KIR3DL2: variants seen among roughly 807,000 people sequenced by gnomAD.
KIR3DL2 encodes killer cell immunoglobulin-like receptor 3DL2.
KIR3DL2 carries 42 observed loss-of-function variants against 41.6 expected under a neutral mutation model. The ratio of observed to expected loss-of-function variants is 1.01; its 90% CI spans 0.79 to 1.31. The LOEUF (loss-of-function observed/expected upper bound fraction) is 1.31. KIR3DL2 is among the 50% of genes most tolerant of loss of function. The pLI is 0.00. For synonymous variants in KIR3DL2, 230 were observed against 221.3 expected (o/e 1.04, Z -0.35); for missense variants, 728 against 576.8 (o/e 1.26, Z -2.68).
chr19:54,851,364 C>G lies in KIR3DL2; in HGVS notation c.70+109C>G, dbSNP rs2064218451. The stretch of plus-strand genomic sequence containing the variant: ...TCTCTCATAAACTAGGAAGAGGGGA[C>G]CCTTGGATACTCGGCCCACATTTCT... On this transcript the variant is annotated intron_variant, in intron 2 of 8. Coordinates refer to ENST00000326321, the MANE Select transcript of KIR3DL2 (RefSeq NM_006737.4). The G allele has an allele frequency of 7.1e-5, 86 of 1,207,602 alleles. No individual in the cohort carries two copies. In the South Asian group the frequency reaches 9.8e-4, roughly 14 times the overall value. 74.8% of individuals were successfully genotyped at this position (1,207,602 alleles called of 1,614,324 possible).
At chr19:54,858,651 C>G (rs1183877465) in intron 5 of KIR3DL2, among the ~76,000 whole-genome samples, 1 of 151,352 alleles carries the variant, frequency 6.6e-6, no homozygotes. Flanking sequence ...TTTCTTGAAT[C>G]CAGGAAGTGG....
At position 54,865,206 on chromosome 19, in the gene KIR3DL2, G is replaced by A. The variant is rs542814671; in HGVS notation, c.1001-599G>A. 2.0e-5 allele frequency among the ~76,000 whole-genome samples: 3 copies of A among 152,076 alleles called. No homozygotes were observed. In the East Asian group the frequency reaches 5.8e-4, roughly 29 times the overall value. On this transcript the variant is annotated intron_variant, in intron 6 of 8. Transcript: ENST00000326321. The stretch of plus-strand genomic sequence containing the variant: ...ACCAGCCTTGCATCCCAGAGCCTGG[G>A]CAACTTCTAGAGAAAACAGATTTGT...
intron 6 of KIR3DL2, among the ~76,000 whole-genome samples, chr19:54,859,558 G>A (rs1262780193): frequency 2.6e-5 from 4 of 152,002 alleles, no homozygotes; most frequent in East Asian, 1.9e-4. Context: ...ACTCAGCAGA[G>A]CAAGAGCCTT....
intron 2 of KIR3DL2, among the ~76,000 whole-genome samples, chr19:54,851,656 C>T (rs1327179607): frequency 2.0e-5 from 3 of 151,746 alleles, no homozygotes; most frequent in Admixed American, 6.6e-5. Context: ...ATGGCCCTGA[C>T]ATTCCAAATC....
At chr19:54,862,786 T>C (rs1176034753) in intron 6 of KIR3DL2, among the ~76,000 whole-genome samples, 4 of 147,122 alleles carry the variant, frequency 2.7e-5, no homozygotes, top group African/African-American at 1.0e-4. Context: ...AAAGAACACT[T>C]GAGCCTGGGT....
intron 5 of KIR3DL2, among the ~76,000 whole-genome samples, chr19:54,857,805 C>T (rs1487652895): frequency 1.3e-4 from 20 of 151,134 alleles, no homozygotes; most frequent in African/African-American, 3.7e-4. Context: ...CTCCGCCTCC[C>T]AAAGTGCTGG....
intron 5 of KIR3DL2, among the ~76,000 whole-genome samples, chr19:54,857,936 G>A (rs1176035132): frequency 1.3e-5 from 2 of 151,750 alleles, no homozygotes; most frequent in East Asian, 3.8e-4. Flanking sequence ...TCATATACGT[G>A]ATCGCCATTT....
intron 3 of KIR3DL2, 63 bp from the exon 4 acceptor site, chr19:54,853,684 C>A: frequency 1.3e-6 from 2 of 1,562,608 alleles, no homozygotes; most frequent in Non-Finnish European, 1.8e-6. Context: ...CTCACTCATT[C>A]CAGGTGCCAT....
chr19:54,861,118 T>C (rs1178875868), intron 6 of KIR3DL2, among the ~76,000 whole-genome samples: 20 of 150,394 alleles, frequency 1.3e-4, no homozygotes, highest in Non-Finnish European at 1.5e-5. Flanking sequence ...GCCGCCCCAC[T>C]GGTGAAATGT....
intron 6 of KIR3DL2, among the ~76,000 whole-genome samples, chr19:54,864,260 C>A (rs2065361137): frequency 6.6e-6 from 1 of 152,016 alleles, no homozygotes; most frequent in Non-Finnish European, 1.5e-5. Context: ...GTTACTGTAG[C>A]CTTGTAGTAT....
chr19:54,866,184 A>T (rs145658103), intron 7 of KIR3DL2, among the ~76,000 whole-genome samples, 186 bp from the exon 8 acceptor site: 81 of 152,152 alleles, frequency 5.3e-4, no homozygotes, highest in Non-Finnish European at 1.9e-4. Flanking sequence ...AATCAATGGG[A>T]TGCCAATTGA....
At position 54,852,299 on chromosome 19, in the gene KIR3DL2, C is replaced by T. The variant is rs2145567931; in HGVS notation, c.355+17C>T. ...TGGTCACAGGTCAGAGGCTTTCTGT[C>T]TGGGCTTCTCACTGTCCCACCTCCT... On this transcript the variant is annotated intron_variant, in intron 3 of 8. Coordinates refer to ENST00000326321, the MANE Select transcript of KIR3DL2 (RefSeq NM_006737.4). The T allele has an allele frequency of 1.2e-6, 2 of 1,600,832 alleles. No individual in the cohort carries two copies. The highest frequency in any genetic ancestry group is 1.1e-5 in the South Asian group (1 of 90,936).
rs73618370 is a variant in KIR3DL2, at chr19:54,865,770, G to C, written c.1001-35G>C. On this transcript the variant is annotated intron_variant, in intron 6 of 8. Coordinates refer to ENST00000326321, the MANE Select transcript of KIR3DL2 (RefSeq NM_006737.4). ...ACAATCCATAAAGAGGAACTGCTAT[G>C]ATTAGCTTCTTATTGGATTCCCATC... is the stretch of plus-strand genomic sequence containing the variant. 7.7e-4 allele frequency: 1,192 copies of C among 1,539,522 alleles called. 6 individuals carry two copies. The African/African-American group carries it at 0.015, about 19-fold the overall frequency.
chr19:54,865,521 C>T (rs1481433164), intron 6 of KIR3DL2, among the ~76,000 whole-genome samples: 1 of 152,122 alleles, frequency 6.6e-6, no homozygotes, highest in Non-Finnish European at 1.5e-5. Flanking sequence ...ACTCAAACAC[C>T]TTCCCATAGG....
chr19:54,856,949 T>C (rs1157981699), intron 5 of KIR3DL2, among the ~76,000 whole-genome samples: 7 of 152,116 alleles, frequency 4.6e-5, no homozygotes, highest in African/African-American at 1.7e-4. Flanking sequence ...GATAGGCAGG[T>C]AGGTTGACTC....
In KIR3DL2 at chr19:54,866,713, T is replaced by G; in HGVS notation, c.1350T>G (p.Gly450=). 1 of 1,613,592 alleles carries G rather than the reference T, an allele frequency of 6.2e-7. No homozygotes were observed. The highest frequency in any genetic ancestry group is 8.5e-7 in the Non-Finnish European group (1 of 1,179,876). Residue 450 remains glycine (G), a synonymous_variant, in exon 9 of 9, where the codon GGT becomes GGG. Coordinates refer to ENST00000326321, the MANE Select transcript of KIR3DL2 (RefSeq NM_006737.4). The part of the protein sequence containing the change: ...VVSCPRAPQS[G]LEGVF ...CCTGCCCACGAGCACCACAGTCAGG[T>G]CTTGAGGGGGTTTTCTAGGGAGACA...
intron 7 of KIR3DL2, 118 bp downstream of exon 7, chr19:54,866,027 A>G: frequency 2.1e-6 from 2 of 931,184 alleles, no homozygotes; most frequent in Non-Finnish European, 3.3e-6. Flanking sequence ...GAGGAGCCAC[A>G]GAGGCAGGGC....
intron 6 of KIR3DL2, among the ~76,000 whole-genome samples, chr19:54,862,983 C>T (rs1328201245): frequency 7.0e-6 from 1 of 143,428 alleles, no homozygotes; most frequent in Non-Finnish European, 1.5e-5. Context: ...TTAGGTATAT[C>T]TCCTAATGCT....
intron 5 of KIR3DL2, among the ~76,000 whole-genome samples, chr19:54,856,474 G>T (rs1416420817): frequency 1.3e-5 from 2 of 149,724 alleles, no homozygotes; most frequent in East Asian, 3.9e-4. Context: ...TAAGATCAGG[G>T]ACTCGAGATC....
Sources: gnomAD v4.1 joint callset for allele counts (sites outside exome capture counted in the v4.1 genomes callset) on GRCh38, gnomAD v4.1.1 for gene constraint, MANE v1.5 for transcripts, NCBI Gene and HGNC (gene_info 2026-07-23, HGNC 2026-07-21) for gene names.